The following NEK11 variants were observed in gnomAD, a reference collection of about 807,000 sequenced individuals.
NEK11 encodes the protein NIMA related kinase 11, also known as serine/threonine-protein kinase Nek11.
NEK11 carries 72 observed loss-of-function variants against 80.7 expected under a neutral mutation model. That is an observed-to-expected ratio of 0.89 (90% CI 0.74 to 1.08). The LOEUF (loss-of-function observed/expected upper bound fraction) is 1.08, where lower values mean the gene tolerates loss of function less well. NEK11 is among the 50% of genes least tolerant of loss of function. NEK11 has a pLI of 0.00. For missense variants in NEK11, 764 were observed against 763.6 expected, an observed-to-expected ratio of 1.00 and a Z score of -0.01; for synonymous variants, 251 against 260.7, an observed-to-expected ratio of 0.96 and a Z score of 0.36.
intron 17 of NEK11, among the ~76,000 whole-genome samples, chr3:131,300,758 T>G (rs147984964): frequency 6.6e-6 from 1 of 152,322 alleles, no homozygotes; most frequent in East Asian, 1.9e-4. Context: ...TTTGTACCAG[T>G]ACATACTGTT....
intron 3 of NEK11, among the ~76,000 whole-genome samples, chr3:131,038,304 T>C (rs1457721470): frequency 6.6e-6 from 1 of 152,172 alleles, no homozygotes; most frequent in Non-Finnish European, 1.5e-5. Flanking sequence ...CTTCTGGCCA[T>C]CTTATATTTA....
In NEK11 at chr3:131,222,539, A is replaced by C. The variant is rs1188742791; in HGVS notation, c.1400-5989A>C. ...ATGGAGATTTTAAGTAATTTAGACA[A>C]CTAATAGCACAGTAACTCGAGCTCT... On this transcript the variant is annotated intron_variant, in intron 14 of 17. Coordinates refer to ENST00000383366, the MANE Select transcript of NEK11 (RefSeq NM_024800.5). 3.9e-5 allele frequency among the ~76,000 whole-genome samples: 6 copies of C among 152,254 alleles called. No homozygotes were observed. In the East Asian group the frequency reaches 1.2e-3, roughly 29 times the overall value.
intron 4 of NEK11, among the ~76,000 whole-genome samples, chr3:131,108,172 A>T (rs16835864): frequency 0.014 from 2,152 of 152,248 alleles, 46 homozygotes; most frequent in African/African-American, 0.049. Flanking sequence ...GTAGGAGAGA[A>T]AATGCTAAGC....
intron 15 of NEK11, 99 bp downstream of exon 15, chr3:131,228,787 A>G (rs1238817337): frequency 1.1e-5 from 13 of 1,231,734 alleles, no homozygotes; most frequent in Non-Finnish European, 1.5e-5. Context: ...AGTTGGGGAC[A>G]TGGGGAACAG....
At chr3:131,207,170 G>C (rs758486986) in intron 14 of NEK11, among the ~76,000 whole-genome samples, 1 of 152,188 alleles carries the variant, frequency 6.6e-6, no homozygotes, top group Non-Finnish European at 1.5e-5. Context: ...ATAATCCTTT[G>C]AGTATATACC....
rs368954686 is a variant in NEK11, at chr3:131,150,279, G to GA, written c.648-2101dup. 3.5e-3 allele frequency among the ~76,000 whole-genome samples: 526 copies of GA among 151,484 alleles called. 1 individual carries two copies. The highest frequency in any genetic ancestry group is 0.012 in the African/African-American group (500 of 41,360). ...TTTGGTAAATGTTCCATGTGCCCTT[G>GA]AAAAAAAATTGAATTCTGTTATTGT... On this transcript the variant is annotated intron_variant, in intron 7 of 17. Transcript: ENST00000383366.
intron 4 of NEK11, among the ~76,000 whole-genome samples, chr3:131,085,428 G>T (rs1042942911): frequency 6.6e-6 from 1 of 152,178 alleles, no homozygotes; most frequent in African/African-American, 2.4e-5. Flanking sequence ...GAATTTTCAG[G>T]TAGGATTAAT....
intron 10 of NEK11, among the ~76,000 whole-genome samples, chr3:131,156,276 C>A (rs2149855170): frequency 6.6e-6 from 1 of 152,276 alleles, no homozygotes; most frequent in South Asian, 2.1e-4. Context: ...TGCATGTCCT[C>A]TGGAGTCTGT....
At chr3:131,135,621 C>G (rs947643060) in intron 7 of NEK11, among the ~76,000 whole-genome samples, 4 of 152,064 alleles carry the variant, frequency 2.6e-5, no homozygotes, top group Non-Finnish European at 2.9e-5. Context: ...GGCTTTGCTT[C>G]AGATCGAATT....
At position 131,035,242 on chromosome 3, in the gene NEK11, A is replaced by G. The variant is rs547753427; in HGVS notation, c.170+5364A>G. Among the ~76,000 whole-genome samples the G allele has an allele frequency of 2.0e-5, 3 of 152,258 alleles. No individual in the cohort carries two copies. The South Asian group carries it at 6.2e-4, about 32-fold the overall frequency. On this transcript the variant is annotated intron_variant, in intron 3 of 17. Transcript: ENST00000383366. ...AAAAGTCCTAGCAAGCTGATTTTCT[A>G]CCCAGTTATGGAAACAAAATGGAAG...
At chr3:131,096,079 T>C (rs1235855465) in intron 4 of NEK11, among the ~76,000 whole-genome samples, 1 of 152,108 alleles carries the variant, frequency 6.6e-6, no homozygotes, top group Non-Finnish European at 1.5e-5. Flanking sequence ...ATTGACATAT[T>C]TTTGTTATAG....
intron 14 of NEK11, among the ~76,000 whole-genome samples, chr3:131,193,668 C>G (rs2150306262): frequency 6.6e-6 from 1 of 152,184 alleles, no homozygotes; most frequent in East Asian, 1.9e-4. Flanking sequence ...TCATAAAATT[C>G]TACATTCTTA....
intron 4 of NEK11, among the ~76,000 whole-genome samples, chr3:131,085,685 G>A (rs1686079336): frequency 6.6e-6 from 1 of 152,190 alleles, no homozygotes; most frequent in Non-Finnish European, 1.5e-5. Flanking sequence ...AGCATGGGAT[G>A]TGATTTAGGA....
intron 14 of NEK11, among the ~76,000 whole-genome samples, chr3:131,190,359 G>C (rs534596919): frequency 1.2e-4 from 18 of 152,234 alleles, no homozygotes; most frequent in Admixed American, 3.9e-4. Context: ...TGGGCTGGTG[G>C]GAGGTATTTG....
rs148182413 is a variant in NEK11, at chr3:131,215,347, C to G, written c.1400-13181C>G. Reference sequence around the variant, plus strand: ...AAATGACGAGTTAATGGGTGCAGCACACCAACATGGCACACGTATACATAT... The same window carrying G: ...AAATGACGAGTTAATGGGTGCAGCAGACCAACATGGCACACGTATACATAT... On this transcript the variant is annotated intron_variant, in intron 14 of 17. Coordinates refer to ENST00000383366, the MANE Select transcript of NEK11 (RefSeq NM_024800.5). Among the ~76,000 whole-genome samples, 382 of 151,854 alleles carry G rather than the reference C, an allele frequency of 2.5e-3. 1 individual carries two copies. The highest frequency in any genetic ancestry group is 8.0e-3 in the African/African-American group (331 of 41,390).
At chr3:131,316,004 A>G (rs2096835612) in intron 17 of NEK11, among the ~76,000 whole-genome samples, 1 of 152,090 alleles carries the variant, frequency 6.6e-6, no homozygotes, top group Admixed American at 6.6e-5. Context: ...AGGCATAAAT[A>G]TTTTTATGGC....
chr3:131,147,807 G>A lies in NEK11; in HGVS notation c.648-4581G>A, dbSNP rs566515664. Among the ~76,000 whole-genome samples the A allele has an allele frequency of 1.4e-4, 21 of 151,904 alleles. 1 individual carries two copies. Among genetic ancestry groups the A allele is most frequent in the African/African-American group, 5.1e-4 (21 of 41,484 alleles). ...TTGACATGATTAATGACAGTCTAAT[G>A]TTTTCTTTACTAATCTTTATAGATT... On this transcript the variant is annotated intron_variant, in intron 7 of 17. Coordinates refer to ENST00000383366, the MANE Select transcript of NEK11 (RefSeq NM_024800.5).
intron 14 of NEK11, among the ~76,000 whole-genome samples, chr3:131,192,959 C>T (rs939702679): frequency 5.3e-5 from 8 of 152,114 alleles, no homozygotes; most frequent in African/African-American, 1.7e-4. Context: ...TTTTTGGCAC[C>T]AGGACACCTT....
At chr3:131,213,196 C>T (rs1242105473) in intron 14 of NEK11, among the ~76,000 whole-genome samples, 1 of 151,694 alleles carries the variant, frequency 6.6e-6, no homozygotes, top group Non-Finnish European at 1.5e-5. Flanking sequence ...CATCTCCACA[C>T]ACACACACAC....
Sources: allele counts gnomAD v4.1 joint callset (sites outside exome capture counted in the v4.1 genomes callset), GRCh38; gene constraint gnomAD v4.1.1; transcripts MANE v1.5; gene names NCBI Gene and HGNC (gene_info 2026-07-23, HGNC 2026-07-21).